Variants in SHROOM3 observed in about 807,000 individuals in gnomAD.
SHROOM3 encodes the protein protein Shroom3.
Under a neutral mutation model 138.6 loss-of-function variants are expected in SHROOM3, and 47 were observed. The observed-to-expected ratio is 0.34, with a 90% CI of 0.27 to 0.43. The LOEUF (loss-of-function observed/expected upper bound fraction) is 0.43, where lower values mean the gene tolerates loss of function less well. Ranked by LOEUF, SHROOM3 falls within the 20% of genes least tolerant of loss-of-function variation. The probability of loss-of-function intolerance (pLI) is 1.00; values close to 1 mark genes in which losing one functional copy is unlikely to be tolerated. For missense variants in SHROOM3, 2,491 were observed against 2,596.5 expected (o/e 0.96, Z 0.88); for synonymous variants, 1,062 against 1,063.3 (o/e 1.00, Z 0.02).
At chr4:76,453,526 C>T (rs1730969781) in intron 1 of SHROOM3, among the ~76,000 whole-genome samples, 2 of 152,014 alleles carry the variant, frequency 1.3e-5, no homozygotes, top group Non-Finnish European at 2.9e-5. Flanking sequence ...GTAATCCTCC[C>T]AAAGTGCTGG....
intron 2 of SHROOM3, among the ~76,000 whole-genome samples, chr4:76,560,875 T>C (rs1430054196): frequency 6.6e-6 from 1 of 152,236 alleles, no homozygotes; most frequent in Non-Finnish European, 1.5e-5. Flanking sequence ...AGTAATTTAA[T>C]CTGTCTGATT....
At chr4:76,554,121 T>C (rs1468025857) in intron 1 of SHROOM3, among the ~76,000 whole-genome samples, 1 of 152,202 alleles carries the variant, frequency 6.6e-6, no homozygotes, top group Non-Finnish European at 1.5e-5. Context: ...ATCCTACCCT[T>C]CCCTTTAACC....
chr4:76,594,680 C>A (rs1405709697), intron 2 of SHROOM3, among the ~76,000 whole-genome samples: 2 of 152,176 alleles, frequency 1.3e-5, no homozygotes, highest in African/African-American at 2.4e-5. Flanking sequence ...TGATGTCAGA[C>A]TAACACCTGC....
At chr4:76,594,160 A>T in intron 2 of SHROOM3, among the ~76,000 whole-genome samples, 1 of 152,242 alleles carries the variant, frequency 6.6e-6, no homozygotes, top group Non-Finnish European at 1.5e-5. Flanking sequence ...AACCCAGGTC[A>T]TCTGTCAACA....
chr4:76,503,508 A>G (rs1732143815), intron 1 of SHROOM3, among the ~76,000 whole-genome samples: 1 of 152,142 alleles, frequency 6.6e-6, no homozygotes. Flanking sequence ...AGCTCACTGT[A>G]ACCTCTGCCT....
intron 4 of SHROOM3, among the ~76,000 whole-genome samples, chr4:76,735,869 ATATATAT>A (rs1482361500): frequency 1.1e-3 from 15 of 13,992 alleles, no homozygotes; most frequent in African/African-American, 3.5e-3. Flanking sequence ...AAAAAAAAAA[ATATATAT>A]ATATATATAT....
intron 2 of SHROOM3, among the ~76,000 whole-genome samples, chr4:76,682,278 G>A (rs1216361141): frequency 4.6e-5 from 7 of 152,050 alleles, no homozygotes; most frequent in Non-Finnish European, 8.8e-5. Context: ...CTGTTACCTT[G>A]GCCCCAAACA....
At chr4:76,463,556 A>C (rs951272642) in intron 1 of SHROOM3, among the ~76,000 whole-genome samples, 20 of 152,248 alleles carry the variant, frequency 1.3e-4, no homozygotes, top group Non-Finnish European at 1.5e-5. Flanking sequence ...GGAGGAGCCC[A>C]ATGTTAATAG....
intron 3 of SHROOM3, among the ~76,000 whole-genome samples, chr4:76,726,593 A>G (rs1181411263): frequency 6.6e-6 from 1 of 150,790 alleles, no homozygotes; most frequent in Non-Finnish European, 1.5e-5. Flanking sequence ...GGAAGCTGCA[A>G]TGCAGTGGCA....
At chr4:76,501,810 C>T (rs914314817) in intron 1 of SHROOM3, among the ~76,000 whole-genome samples, 2 of 152,164 alleles carry the variant, frequency 1.3e-5, no homozygotes, top group Admixed American at 1.3e-4. Flanking sequence ...ACTTCATGGG[C>T]ATAGGAGTGC....
chr4:76,490,350 A>G (rs1731823639), intron 1 of SHROOM3, among the ~76,000 whole-genome samples: 1 of 152,176 alleles, frequency 6.6e-6, no homozygotes, highest in South Asian at 2.1e-4. Flanking sequence ...GTGGACAGCC[A>G]GTTTCCCATC....
At chr4:76,577,237 T>G (rs1231326321) in intron 2 of SHROOM3, among the ~76,000 whole-genome samples, 1 of 152,238 alleles carries the variant, frequency 6.6e-6, no homozygotes, top group Non-Finnish European at 1.5e-5. Flanking sequence ...AAGCCCTCTG[T>G]GTAAATTAAT....
chr4:76,644,514 A>G (rs1735767514), intron 2 of SHROOM3: 1 of 151,420 alleles, frequency 6.6e-6, no homozygotes, highest in Admixed American at 6.6e-5. Flanking sequence ...GCCTACCGTA[A>G]CAAGCTTTTT....
intron 2 of SHROOM3, among the ~76,000 whole-genome samples, chr4:76,672,191 C>T (rs780351129): frequency 6.6e-6 from 1 of 151,936 alleles, no homozygotes. Context: ...CAAGATTTTC[C>T]GTTCTAATTC....
chr4:76,507,451 G>T (rs1732235053), intron 1 of SHROOM3, among the ~76,000 whole-genome samples: 1 of 151,602 alleles, frequency 6.6e-6, no homozygotes, highest in African/African-American at 2.4e-5. Context: ...GGTATGAAGT[G>T]GTATCTTATT....
intron 6 of SHROOM3, among the ~76,000 whole-genome samples, chr4:76,753,906 G>A (rs1000364043): frequency 1.3e-5 from 2 of 152,230 alleles, no homozygotes; most frequent in African/African-American, 4.8e-5. Flanking sequence ...GAAGAAGGCA[G>A]CATTATTTTT....
chr4:76,510,718 G>A (rs1732317466), intron 1 of SHROOM3, among the ~76,000 whole-genome samples: 1 of 152,180 alleles, frequency 6.6e-6, no homozygotes, highest in Non-Finnish European at 1.5e-5. Context: ...GGCCTTAGTT[G>A]TTGAGGACTC....
At chr4:76,735,852 AAAAAAAAAAAAAAAAAATATAT>A (rs1371087709) in intron 4 of SHROOM3, among the ~76,000 whole-genome samples, 1 of 56,628 alleles carries the variant, frequency 1.8e-5, no homozygotes, top group African/African-American at 5.9e-5. Flanking sequence ...AAAAAAAAAA[AAAAAAAAAAAAAAAAAATATAT>A]ATATATATAT....
intron 2 of SHROOM3, among the ~76,000 whole-genome samples, chr4:76,700,820 A>G (rs902758075): frequency 6.6e-6 from 1 of 151,322 alleles, no homozygotes; most frequent in Non-Finnish European, 1.5e-5. Context: ...TCACTCTGTC[A>G]CCCAGGCTGG....
Sources: gnomAD v4.1 joint callset for allele counts (sites outside exome capture counted in the v4.1 genomes callset) on GRCh38, gnomAD v4.1.1 for gene constraint, MANE v1.5 for transcripts, NCBI Gene and HGNC (gene_info 2026-07-23, HGNC 2026-07-21) for gene names.